KPNA6: variants seen among roughly 807,000 people sequenced by gnomAD.
The protein encoded by KPNA6 is karyopherin subunit alpha 6.
A neutral mutation model predicts 72.0 loss-of-function variants in KPNA6; 9 were observed. The ratio of observed to expected loss-of-function variants is 0.13; its 90% confidence interval spans 0.08 to 0.22. KPNA6 has a LOEUF of 0.22. Among genes scored for constraint, KPNA6 ranks in the 10% least tolerant of loss-of-function variants. The probability of loss-of-function intolerance (pLI) is 1.00; values close to 1 mark genes in which losing one functional copy is unlikely to be tolerated. For missense variants in KPNA6, 374 were observed against 655.7 expected (o/e 0.57, Z 4.69); for synonymous variants, 219 against 242.1 (o/e 0.90, Z 0.89).
At chr1:32,153,710 G>C (rs1642082367) in intron 1 of KPNA6, among the ~76,000 whole-genome samples, 1 of 152,068 alleles carries the variant, frequency 6.6e-6, no homozygotes, top group African/African-American at 2.4e-5. Flanking sequence ...AATCATCTCT[G>C]TGAAATACTT....
intron 4 of KPNA6, 104 bp downstream of exon 4, chr1:32,157,549 C>A: frequency 1.3e-6 from 1 of 765,126 alleles, no homozygotes. Context: ...CTGCTCTAGC[C>A]CTACTGACCT....
intron 1 of KPNA6, among the ~76,000 whole-genome samples, chr1:32,145,359 C>CT (rs1446414684): frequency 6.7e-6 from 1 of 149,370 alleles, no homozygotes; most frequent in Non-Finnish European, 1.5e-5. Flanking sequence ...GGAGCAAGCT[C>CT]TGTTCCCCAA....
At chr1:32,108,527 C>G (rs975452969) in intron 1 of KPNA6, among the ~76,000 whole-genome samples, 1 of 152,212 alleles carries the variant, frequency 6.6e-6, no homozygotes, top group South Asian at 2.1e-4. Flanking sequence ...TTGGCCAACG[C>G]GTGTCTTGAC....
chr1:32,136,073 A>G (rs1394192538), intron 1 of KPNA6, among the ~76,000 whole-genome samples: 1 of 152,184 alleles, frequency 6.6e-6, no homozygotes. Context: ...TCTGTAGGCC[A>G]CACTTGGCTT....
At chr1:32,148,124 A>T (rs1224899683) in intron 1 of KPNA6, among the ~76,000 whole-genome samples, 1 of 151,982 alleles carries the variant, frequency 6.6e-6, no homozygotes, top group African/African-American at 2.4e-5. Flanking sequence ...TTCTTTTTTG[A>T]GACAGAATCT....
intron 1 of KPNA6, among the ~76,000 whole-genome samples, chr1:32,132,439 C>T (rs544871387): frequency 6.6e-4 from 100 of 152,322 alleles, no homozygotes; most frequent in African/African-American, 2.3e-3. Context: ...ACTATAGGCA[C>T]ATGCCCCCAT....
intron 6 of KPNA6, among the ~76,000 whole-genome samples, chr1:32,160,024 C>T (rs1459361814): frequency 1.3e-5 from 2 of 152,164 alleles, no homozygotes; most frequent in Non-Finnish European, 1.5e-5. Flanking sequence ...TTTCGCCAGG[C>T]GCGGTGGCTC....
At chr1:32,162,695 C>T (rs553282501) in intron 9 of KPNA6, among the ~76,000 whole-genome samples, 171 bp downstream of exon 9, 48 of 151,738 alleles carry the variant, frequency 3.2e-4, no homozygotes, top group South Asian at 3.1e-3. Flanking sequence ...ATTAGCTGGG[C>T]GCAGTGGCAG....
intron 1 of KPNA6, among the ~76,000 whole-genome samples, chr1:32,108,786 G>T (rs1212293787): frequency 1.3e-5 from 2 of 152,236 alleles, no homozygotes. Flanking sequence ...GCCATCTTTA[G>T]GTTGAGGACT....
At chr1:32,120,483 G>A (rs2124525671) in intron 1 of KPNA6, among the ~76,000 whole-genome samples, 1 of 151,200 alleles carries the variant, frequency 6.6e-6, no homozygotes, top group South Asian at 2.1e-4. Flanking sequence ...CCTGACCTCA[G>A]GCCATCTGCC....
At chr1:32,122,011 C>T (rs922418878) in intron 1 of KPNA6, among the ~76,000 whole-genome samples, 1 of 151,384 alleles carries the variant, frequency 6.6e-6, no homozygotes, top group Admixed American at 6.6e-5. Flanking sequence ...CGGTGGCTCA[C>T]GCCTGTAATC....
chr1:32,109,914 C>T (rs1007454760), intron 1 of KPNA6, among the ~76,000 whole-genome samples: 1 of 151,952 alleles, frequency 6.6e-6, no homozygotes, highest in Non-Finnish European at 1.5e-5. Flanking sequence ...CCTCGCCTTC[C>T]AAAGTGCTGA....
chr1:32,119,032 A>ATTTTTTTTTTTTT (rs71006332), intron 1 of KPNA6, among the ~76,000 whole-genome samples: 4 of 40,280 alleles, frequency 9.9e-5, no homozygotes, highest in Admixed American at 5.4e-4. Context: ...ATATATATAT[A>ATTTTTTTTTTTTT]TTTTTTTTTT....
chr1:32,166,038 A>ACAAC, intron 10 of KPNA6, 67 bp from the exon 11 acceptor site: 1 of 1,523,980 alleles, frequency 6.6e-7, no homozygotes, highest in East Asian at 2.3e-5. Context: ...AACAACAACA[A>ACAAC]AAAAACATAA....
chr1:32,111,013 A>C (rs1388139476), intron 1 of KPNA6, among the ~76,000 whole-genome samples: 1 of 152,234 alleles, frequency 6.6e-6, no homozygotes, highest in African/African-American at 2.4e-5. Context: ...TCTGGTTTCC[A>C]GGTTTCCCTA....
At chr1:32,108,891 A>T (rs140841951) in intron 1 of KPNA6, among the ~76,000 whole-genome samples, 7 of 152,326 alleles carry the variant, frequency 4.6e-5, no homozygotes, top group African/African-American at 1.7e-4. Flanking sequence ...TTCAGAGAGA[A>T]TACCATGGCG....
chr1:32,145,869 G>A (rs560718688), intron 1 of KPNA6, among the ~76,000 whole-genome samples: 5 of 152,184 alleles, frequency 3.3e-5, no homozygotes, highest in South Asian at 2.1e-4. Context: ...TGAGTCTTCC[G>A]ACATTTTAAA....
chr1:32,160,145 A>G (rs1341204522), intron 6 of KPNA6, among the ~76,000 whole-genome samples: 3 of 152,076 alleles, frequency 2.0e-5, no homozygotes, highest in Admixed American at 1.3e-4. Flanking sequence ...AAAAATACTA[A>G]AAAGTTAGCT....
intron 1 of KPNA6, among the ~76,000 whole-genome samples, chr1:32,149,180 CT>C (rs1387628711): frequency 6.6e-6 from 1 of 151,780 alleles, no homozygotes; most frequent in Non-Finnish European, 1.5e-5. Flanking sequence ...AATAAGTGTA[CT>C]TTTGAGCTCT....
Sources: allele counts gnomAD v4.1 joint callset (sites outside exome capture counted in the v4.1 genomes callset), GRCh38; gene constraint gnomAD v4.1.1; transcripts MANE v1.5; gene names NCBI Gene and HGNC (gene_info 2026-07-23, HGNC 2026-07-21).